CLVS1: variants seen among roughly 807,000 people sequenced by gnomAD.
CLVS1 encodes the protein clavesin 1.
CLVS1 carries 10 observed loss-of-function variants against 33.1 expected under a neutral mutation model. The observed-to-expected ratio is 0.30, with a 90% CI of 0.19 to 0.51. The LOEUF (loss-of-function observed/expected upper bound fraction) is 0.51. Ranked by LOEUF, CLVS1 falls within the 20% of genes least tolerant of loss-of-function variation. The pLI is 0.97. For synonymous variants in CLVS1, 163 were observed against 166.1 expected (o/e 0.98, Z 0.14); for missense variants, 343 against 433.4 (o/e 0.79, Z 1.85).
At chr8:61,273,493 C>T (rs1344072245) in intron 2 of CLVS1, among the ~76,000 whole-genome samples, 1 of 150,296 alleles carries the variant, frequency 6.7e-6, no homozygotes, top group Non-Finnish European at 1.5e-5. Flanking sequence ...GGCAGGCAGG[C>T]CTCCTTGAGC....
At chr8:61,242,435 C>T (rs1585716148) in intron 2 of CLVS1, among the ~76,000 whole-genome samples, 1 of 152,118 alleles carries the variant, frequency 6.6e-6, no homozygotes, top group Middle Eastern at 3.4e-3. Context: ...CTTTGAATAT[C>T]TCATGGATTT....
chr8:61,089,838 C>G (rs991899840), intron 1 of CLVS1, among the ~76,000 whole-genome samples: 6 of 152,160 alleles, frequency 3.9e-5, no homozygotes, highest in Non-Finnish European at 8.8e-5. Flanking sequence ...AGGAGGGTTG[C>G]TCGAGCCCAG....
At chr8:61,290,970 G>C (rs1320279049) in intron 1 of CLVS1, among the ~76,000 whole-genome samples, 3 of 152,162 alleles carry the variant, frequency 2.0e-5, no homozygotes, top group Non-Finnish European at 4.4e-5. Flanking sequence ...ACTGATGTAT[G>C]TCTCTTTATT....
chr8:61,218,382 A>G (rs1295398821), intron 2 of CLVS1, among the ~76,000 whole-genome samples: 1 of 152,182 alleles, frequency 6.6e-6, no homozygotes, highest in Non-Finnish European at 1.5e-5. Flanking sequence ...AGATTATGTT[A>G]AGTGAAATAA....
At chr8:61,174,962 A>G (rs1375259887) in intron 2 of CLVS1, among the ~76,000 whole-genome samples, 1 of 91,402 alleles carries the variant, frequency 1.1e-5, no homozygotes, top group Non-Finnish European at 2.4e-5. Context: ...GCGGAGACCT[A>G]GGACTCAAGA....
At chr8:61,222,107 T>A (rs1808230404) in intron 2 of CLVS1, among the ~76,000 whole-genome samples, 1 of 152,146 alleles carries the variant, frequency 6.6e-6, no homozygotes, top group Admixed American at 6.5e-5. Flanking sequence ...GATCTATCTA[T>A]TTTGTTATTT....
chr8:61,236,038 A>T (rs10110755), intron 2 of CLVS1, among the ~76,000 whole-genome samples: 33,036 of 151,984 alleles, frequency 0.22, 6,248 homozygotes, highest in East Asian at 0.69. Flanking sequence ...GTCCTTTGTG[A>T]TCCTCCTGGA....
chr8:61,442,416 T>G (rs952217879), intron 3 of CLVS1, among the ~76,000 whole-genome samples: 1 of 152,242 alleles, frequency 6.6e-6, no homozygotes, highest in Non-Finnish European at 1.5e-5. Flanking sequence ...GTACCAGTTT[T>G]TGTGTAAACA....
the CLVS1 span, among the ~76,000 whole-genome samples, chr8:60,970,727 T>C: frequency 6.6e-6 from 1 of 152,228 alleles, no homozygotes; most frequent in Non-Finnish European, 1.5e-5. Flanking sequence ...TTCTCACCAA[T>C]GCTGTGAACT....
chr8:61,464,053 C>A (rs1328157979), intron 5 of CLVS1, among the ~76,000 whole-genome samples: 1 of 148,638 alleles, frequency 6.7e-6, no homozygotes, highest in East Asian at 2.0e-4. Flanking sequence ...TGCACTACTG[C>A]ACTCCAGCCT....
At chr8:61,377,460 G>C (rs1417463646) in intron 3 of CLVS1, 2 of 152,198 alleles carry the variant, frequency 1.3e-5, no homozygotes, top group Non-Finnish European at 2.9e-5. Context: ...TAAGGGCATA[G>C]TTTGGAGACA....
At chr8:61,146,893 A>G (rs973593987) in intron 2 of CLVS1, among the ~76,000 whole-genome samples, 12 of 152,246 alleles carry the variant, frequency 7.9e-5, no homozygotes, top group Admixed American at 2.0e-4. Flanking sequence ...GTGAATTCAT[A>G]TCATCAGCAT....
intron 2 of CLVS1, among the ~76,000 whole-genome samples, chr8:61,208,069 C>A (rs1416408616): frequency 6.6e-6 from 1 of 152,192 alleles, no homozygotes; most frequent in Non-Finnish European, 1.5e-5. Flanking sequence ...TTGTCATCAC[C>A]TTTTCTCAAC....
At chr8:61,479,641 TG>T (rs1376400932) in intron 5 of CLVS1, among the ~76,000 whole-genome samples, 1 of 152,216 alleles carries the variant, frequency 6.6e-6, no homozygotes, top group Non-Finnish European at 1.5e-5. Context: ...TGCATTCCTT[TG>T]GAGGAGGAGA....
chr8:61,456,653 A>G (rs1428570593), intron 4 of CLVS1, among the ~76,000 whole-genome samples: 2 of 152,032 alleles, frequency 1.3e-5, no homozygotes, highest in Non-Finnish European at 2.9e-5. Context: ...GCGGTGGCTC[A>G]CGCCTGTAAT....
At chr8:61,068,223 G>GTATATATA (rs71521932) in intron 1 of CLVS1, among the ~76,000 whole-genome samples, 42 of 105,146 alleles carry the variant, frequency 4.0e-4, no homozygotes, top group African/African-American at 2.0e-3. Flanking sequence ...ATATATGTAT[G>GTATATATA]TATGTGTATA....
the CLVS1 span, among the ~76,000 whole-genome samples, chr8:61,038,486 A>G: frequency 6.6e-6 from 1 of 151,096 alleles, no homozygotes; most frequent in East Asian, 1.9e-4. Context: ...GTATATATAT[A>G]TGTGATATCT....
At chr8:61,469,167 T>C (rs924491509) in intron 5 of CLVS1, among the ~76,000 whole-genome samples, 2 of 152,178 alleles carry the variant, frequency 1.3e-5, no homozygotes, top group Non-Finnish European at 2.9e-5. Context: ...CTGTGTTTCA[T>C]GGAATCAAAA....
At chr8:61,040,724 A>G in the CLVS1 span, among the ~76,000 whole-genome samples, 1 of 152,110 alleles carries the variant, frequency 6.6e-6, no homozygotes, top group African/African-American at 2.4e-5. Context: ...CAGATTGTGG[A>G]TATTAGACCT....
Sources: gnomAD v4.1 joint callset for allele counts (sites outside exome capture counted in the v4.1 genomes callset) on GRCh38, gnomAD v4.1.1 for gene constraint, MANE v1.5 for transcripts, NCBI Gene and HGNC (gene_info 2026-07-23, HGNC 2026-07-21) for gene names.